The following ADI1 variants were observed in gnomAD, a reference collection of about 807,000 sequenced individuals.
The protein encoded by ADI1 is acireductone dioxygenase 1.
Under a neutral mutation model 18.7 loss-of-function variants are expected in ADI1, and 21 were observed. That is an observed-to-expected ratio of 1.13 (90% confidence interval 0.80 to 1.62). ADI1 has a LOEUF of 1.62. ADI1 is among the 40% of genes most tolerant of loss of function. The pLI is 0.00. For missense variants in ADI1, 245 were observed against 254.9 expected, an observed-to-expected ratio of 0.96 and a Z score of 0.26; for synonymous variants, 90 against 100.1, an observed-to-expected ratio of 0.90 and a Z score of 0.60.
chr2:3,516,607 G>T, intron 1 of ADI1: 1 of 539,252 alleles, frequency 1.9e-6, no homozygotes, highest in Non-Finnish European at 2.4e-6. Context: ...AAATCTGCTG[G>T]CACCTTAATC....
At chr2:3,503,041 C>G (rs1237814480) in intron 2 of ADI1, among the ~76,000 whole-genome samples, 1 of 152,128 alleles carries the variant, frequency 6.6e-6, no homozygotes, top group Non-Finnish European at 1.5e-5. Context: ...GTTTGAACTA[C>G]TTGTCACACA....
chr2:3,505,294 G>A (rs887681257), intron 2 of ADI1, among the ~76,000 whole-genome samples: 2 of 152,186 alleles, frequency 1.3e-5, no homozygotes, highest in Non-Finnish European at 2.9e-5. Context: ...TGGAGAGACA[G>A]GCAGACAGAA....
At chr2:3,503,886 A>C (rs1667109391) in intron 2 of ADI1, among the ~76,000 whole-genome samples, 1 of 152,220 alleles carries the variant, frequency 6.6e-6, no homozygotes, top group Admixed American at 6.5e-5. Context: ...CTCCAGCCCC[A>C]GTGGATGCCG....
intron 2 of ADI1, among the ~76,000 whole-genome samples, 169 bp from the exon 3 acceptor site, chr2:3,501,162 G>A (rs1390032422): frequency 6.6e-6 from 1 of 152,150 alleles, no homozygotes; most frequent in Non-Finnish European, 1.5e-5. Context: ...AACAGTACAA[G>A]GGCCAGAGCT....
chr2:3,499,731 G>T (rs4410319), intron 3 of ADI1, among the ~76,000 whole-genome samples: 27,960 of 152,070 alleles, frequency 0.18, 2,669 homozygotes, highest in East Asian at 0.23. Flanking sequence ...CCAGAGTACT[G>T]TGCAGCTGTA....
In ADI1 at chr2:3,519,383, C is replaced by G; in HGVS notation, c.105G>C (p.Gly35=). ...PVGLEQLRRL[G]VLYWKLDADK... ...GCTCGCGTACCTTCCAGTAGAGCAC[C>G]CCGAGCCGCCGCAGCTGCTCCAGGC... The change falls in exon 1 of 4, where the codon GGG becomes GGC. Residue 35 remains glycine, a synonymous_variant. Coordinates refer to ENST00000327435, the MANE Select transcript of ADI1 (RefSeq NM_018269.4). 1 of 1,428,142 alleles carries G rather than the reference C, an allele frequency of 7.0e-7. No individual in the cohort carries two copies. The highest frequency in any genetic ancestry group is 9.1e-7 in the Non-Finnish European group (1 of 1,098,256). 88.5% of individuals were successfully genotyped at this position (1,428,142 alleles called of 1,614,324 possible).
At chr2:3,509,030 G>A (rs1173423751) in intron 2 of ADI1, among the ~76,000 whole-genome samples, 1 of 141,828 alleles carries the variant, frequency 7.1e-6, no homozygotes, top group Non-Finnish European at 1.5e-5. Flanking sequence ...GGAGGGAGGG[G>A]AAGAAGCCAA....
chr2:3,509,820 T>C (rs536193846), intron 2 of ADI1, among the ~76,000 whole-genome samples: 5 of 149,678 alleles, frequency 3.3e-5, no homozygotes, highest in Admixed American at 2.7e-4. Context: ...CCTGGTGAGA[T>C]TCCAACGCTA....
intron 1 of ADI1, chr2:3,517,130 AAAG>A (rs139638002): frequency 0.025 from 3,882 of 157,426 alleles, 175 homozygotes; most frequent in African/African-American, 0.089. Flanking sequence ...CTAAAACTTT[AAAG>A]AAGGAGGTGC....
intron 2 of ADI1, among the ~76,000 whole-genome samples, chr2:3,507,139 A>G (rs1667191594): frequency 6.6e-6 from 1 of 152,230 alleles, no homozygotes; most frequent in Admixed American, 6.5e-5. Context: ...AAGCTTGAAG[A>G]CATGTCCATG....
intron 2 of ADI1, among the ~76,000 whole-genome samples, chr2:3,505,055 TATTGTTGGTTCACCTGTGTATGTCTGC>T (rs1288282605): frequency 6.6e-6 from 1 of 152,224 alleles, no homozygotes; most frequent in Non-Finnish European, 1.5e-5. Flanking sequence ...CCTATGTTTG[TATTGTTGGTTCACCTGTGTATGTCTGC>T]ATTGTTGGTT....
chr2:3,509,868 G>T (rs943179347), intron 2 of ADI1, among the ~76,000 whole-genome samples: 1 of 151,816 alleles, frequency 6.6e-6, no homozygotes, highest in Non-Finnish European at 1.5e-5. Context: ...GGCAGGCCGG[G>T]TGCGGTGGCT....
chr2:3,502,748 C>T (rs12992556), intron 2 of ADI1, among the ~76,000 whole-genome samples: 26,028 of 151,890 alleles, frequency 0.17, 2,386 homozygotes, highest in Middle Eastern at 0.22. Flanking sequence ...CCGCACACGG[C>T]GACAAACGGA....
In ADI1 at chr2:3,508,998, A is replaced by C. The variant is rs1379594368; in HGVS notation, c.240+4859T>G. ...GAGAGAGGGCGGAAGGAAGGAAAGA[A>C]GGAAGGAAGGGAGGGAGGGAGGGAG... On this transcript the variant is annotated intron_variant, in intron 2 of 3. Transcript: ENST00000327435. Among the ~76,000 whole-genome samples the C allele has an allele frequency of 6.2e-5, 7 of 113,758 alleles. No individual in the cohort carries two copies. In the South Asian group the frequency reaches 2.1e-3, roughly 33 times the overall value. The allele number at this position is 113,758 out of a possible 152,430, so 74.6% of individuals were successfully genotyped here. A position where few individuals can be genotyped will look rare whatever the true frequency, so the allele number is the denominator to read the frequency against.
At chr2:3,505,494 A>G (rs1280266463) in intron 2 of ADI1, among the ~76,000 whole-genome samples, 1 of 152,184 alleles carries the variant, frequency 6.6e-6, no homozygotes, top group Non-Finnish European at 1.5e-5. Context: ...GGGTCCCAAC[A>G]GTGAGTATCA....
In ADI1 at chr2:3,500,888, G is replaced by A. The variant is rs367787458; in HGVS notation, c.346C>T (p.Arg116Trp). 2.7e-5 allele frequency: 43 copies of A among 1,614,056 alleles called. No homozygotes were observed. The highest frequency in any genetic ancestry group is 2.7e-5 in the Non-Finnish European group (32 of 1,180,026). ...ATGTCTCCCTTCTCCATGAAGATCC[G>A]GATCCACTGGTCCTCCTTGTCCCTC... ...DVRDKEDQWI[R>W]IFMEKGDMVT... The change falls in exon 3 of 4, where the codon CGG becomes TGG. Residue 116 changes from arginine (R) to tryptophan (W), a missense_variant. Physicochemically the swap from Arg to Trp is moderately radical, Grantham distance 101. Transcript: ENST00000327435.
chr2:3,515,321 T>C (rs144380566), intron 1 of ADI1: 1,713 of 155,246 alleles, frequency 0.011, 31 homozygotes, highest in African/African-American at 0.039. Context: ...GCTCTGGGAA[T>C]GTCTGTCTTA....
At chr2:3,505,823 G>A (rs886832429) in intron 2 of ADI1, among the ~76,000 whole-genome samples, 5 of 152,190 alleles carry the variant, frequency 3.3e-5, no homozygotes, top group African/African-American at 1.2e-4. Flanking sequence ...ATAACGTGAT[G>A]AGGGTGGAGC....
chr2:3,504,827 C>CA (rs1339728739), intron 2 of ADI1, among the ~76,000 whole-genome samples: 1 of 151,320 alleles, frequency 6.6e-6, no homozygotes, highest in East Asian at 1.9e-4. Context: ...ATTGTTGGCT[C>CA]ACCTGTGTAT....
Sources: gnomAD v4.1 joint callset for allele counts (sites outside exome capture counted in the v4.1 genomes callset) on GRCh38, gnomAD v4.1.1 for gene constraint, MANE v1.5 for transcripts, NCBI Gene and HGNC (gene_info 2026-07-23, HGNC 2026-07-21) for gene names.